CWC27: variants seen among roughly 807,000 people sequenced by gnomAD.
The protein encoded by CWC27 is spliceosome-associated protein CWC27 homolog.
CWC27 carries 47 observed loss-of-function variants against 63.6 expected under a neutral mutation model. That is an observed-to-expected ratio of 0.74 (90% CI 0.58 to 0.94). The LOEUF (loss-of-function observed/expected upper bound fraction) is 0.94. Ranked by LOEUF, CWC27 falls within the 40% of genes least tolerant of loss-of-function variation. The probability of loss-of-function intolerance (pLI) is 0.00; values close to 1 mark genes in which losing one functional copy is unlikely to be tolerated. For synonymous variants in CWC27, 175 were observed against 179.8 expected (o/e 0.97, Z 0.22); for missense variants, 495 against 554.3 (o/e 0.89, Z 1.07).
intron 12 of CWC27, among the ~76,000 whole-genome samples, chr5:64,976,387 T>C (rs1749228492): frequency 6.6e-6 from 1 of 152,174 alleles, no homozygotes; most frequent in Admixed American, 6.5e-5. Context: ...CTTCCCTATA[T>C]TGATATTTTT....
intron 10 of CWC27, among the ~76,000 whole-genome samples, chr5:64,840,385 AAAAAAAAAAATATATATATAT>A (rs1241217713): frequency 2.9e-5 from 2 of 69,486 alleles, no homozygotes; most frequent in Non-Finnish European, 5.4e-5. Context: ...AAAAAAAAAA[AAAAAAAAAAATATATATATAT>A]ATATATATAT....
intron 10 of CWC27, among the ~76,000 whole-genome samples, chr5:64,848,883 T>C (rs995412524): frequency 2.6e-5 from 4 of 152,148 alleles, no homozygotes; most frequent in Non-Finnish European, 2.9e-5. Context: ...AATAATATAC[T>C]CAATGGTGAA....
At chr5:64,852,256 A>G (rs1372096963) in intron 10 of CWC27, among the ~76,000 whole-genome samples, 1 of 152,214 alleles carries the variant, frequency 6.6e-6, no homozygotes, top group Non-Finnish European at 1.5e-5. Context: ...GTGACTAAAA[A>G]TGTTTTAATA....
intron 10 of CWC27, among the ~76,000 whole-genome samples, chr5:64,846,381 A>G (rs1473012018): frequency 1.3e-5 from 2 of 152,246 alleles, no homozygotes; most frequent in Non-Finnish European, 2.9e-5. Flanking sequence ...AAATTCTGCC[A>G]TTAAAAACAT....
In CWC27 at chr5:64,769,026, A is replaced by C. The variant is rs903389815; in HGVS notation, c.-121A>C. The C allele has an allele frequency of 1.2e-6, 1 of 817,730 alleles. No individual in the cohort carries two copies. The highest frequency in any genetic ancestry group is 1.5e-5 in the South Asian group (1 of 68,508). The allele number at this position is 817,730 out of a possible 1,614,324, so 50.7% of individuals were successfully genotyped here. A position where few individuals can be genotyped will look rare whatever the true frequency, so the allele number is the denominator to read the frequency against. On this transcript the variant is annotated 5_prime_UTR_variant, in exon 1 of 14. Transcript: ENST00000381070. ...TGTCCCTGTCTTGCGTGATATTGACAAACTGAAGCTTTCCTGCACCACTGG... is the reference window on the plus strand; with the variant it reads ...TGTCCCTGTCTTGCGTGATATTGACCAACTGAAGCTTTCCTGCACCACTGG...
chr5:64,922,763 C>A (rs112367028), intron 11 of CWC27, among the ~76,000 whole-genome samples: 109 of 152,304 alleles, frequency 7.2e-4, no homozygotes, highest in African/African-American at 2.5e-3. Context: ...TTCCTTTATC[C>A]TTTGAAGTTG....
At chr5:64,914,001 T>C (rs961533843) in intron 11 of CWC27, among the ~76,000 whole-genome samples, 5 of 152,140 alleles carry the variant, frequency 3.3e-5, no homozygotes, top group Admixed American at 3.3e-4. Context: ...ACACGTGATA[T>C]AGAATAGAGA....
At chr5:64,968,750 C>G (rs761911347) in intron 11 of CWC27, among the ~76,000 whole-genome samples, 1 of 152,112 alleles carries the variant, frequency 6.6e-6, no homozygotes, top group Non-Finnish European at 1.5e-5. Flanking sequence ...TTTTCTAGAT[C>G]TTGATTGCAG....
intron 10 of CWC27, among the ~76,000 whole-genome samples, chr5:64,805,075 T>C (rs1744615374): frequency 6.6e-6 from 1 of 152,060 alleles, no homozygotes; most frequent in African/African-American, 2.4e-5. Context: ...CTTCAAATAC[T>C]ATTTGGGGAT....
intron 10 of CWC27, among the ~76,000 whole-genome samples, chr5:64,851,034 A>T (rs1746119051): frequency 6.6e-6 from 1 of 152,232 alleles, no homozygotes; most frequent in Admixed American, 6.5e-5. Context: ...TGAATCAGAA[A>T]TACCACTTTT....
intron 7 of CWC27, among the ~76,000 whole-genome samples, chr5:64,799,933 G>A (rs945882368): frequency 6.6e-5 from 10 of 151,922 alleles, no homozygotes; most frequent in Middle Eastern, 3.4e-3. Context: ...TAAGTTATAG[G>A]GGTCATAAAA....
chr5:64,849,251 A>C (rs1580671476), intron 10 of CWC27, among the ~76,000 whole-genome samples: 1 of 152,256 alleles, frequency 6.6e-6, no homozygotes, highest in East Asian at 1.9e-4. Context: ...AAAAGATAAG[A>C]AATTAGGAAT....
At chr5:64,799,419 C>G (rs539649338) in intron 7 of CWC27, among the ~76,000 whole-genome samples, 283 of 151,892 alleles carry the variant, frequency 1.9e-3, no homozygotes, top group African/African-American at 6.5e-3. Flanking sequence ...AACCCTGTCT[C>G]TACTAAAAAT....
intron 11 of CWC27, among the ~76,000 whole-genome samples, chr5:64,909,688 T>A (rs1356312098): frequency 1.3e-5 from 2 of 152,222 alleles, no homozygotes; most frequent in Non-Finnish European, 2.9e-5. Context: ...ATTAATTTGA[T>A]CTTCAGTCAC....
chr5:64,958,784 G>A (rs1414198340), intron 11 of CWC27, among the ~76,000 whole-genome samples: 1 of 151,976 alleles, frequency 6.6e-6, no homozygotes, highest in Non-Finnish European at 1.5e-5. Context: ...ATTATTTTAA[G>A]CCCCTCATAA....
chr5:64,987,614 A>G (rs1749460579), intron 13 of CWC27, among the ~76,000 whole-genome samples: 1 of 152,222 alleles, frequency 6.6e-6, no homozygotes, highest in African/African-American at 2.4e-5. Context: ...TGATGATTTT[A>G]GAGCAGATCT....
intron 11 of CWC27, among the ~76,000 whole-genome samples, chr5:64,949,536 C>T (rs1163045744): frequency 2.6e-5 from 4 of 151,958 alleles, no homozygotes; most frequent in African/African-American, 4.8e-5. Flanking sequence ...AACACAAACA[C>T]GATCATGTGT....
intron 13 of CWC27, among the ~76,000 whole-genome samples, chr5:65,017,643 A>G (rs760316775): frequency 6.6e-6 from 1 of 152,222 alleles, no homozygotes; most frequent in Non-Finnish European, 1.5e-5. Context: ...TTAAACCAGC[A>G]AATTCCCCAG....
At chr5:64,885,213 T>G (rs1747038500) in intron 10 of CWC27, among the ~76,000 whole-genome samples, 1 of 152,150 alleles carries the variant, frequency 6.6e-6, no homozygotes, top group Non-Finnish European at 1.5e-5. Context: ...ACATATTTGA[T>G]AGGGGGTATA....
Sources: gnomAD v4.1 joint callset for allele counts (sites outside exome capture counted in the v4.1 genomes callset) on GRCh38, gnomAD v4.1.1 for gene constraint, MANE v1.5 for transcripts, NCBI Gene and HGNC (gene_info 2026-07-23, HGNC 2026-07-21) for gene names.